Variants in NKAIN3 observed in about 807,000 individuals in gnomAD.
NKAIN3 encodes the protein sodium/potassium-transporting ATPase subunit beta-1-interacting protein 3.
Under a neutral mutation model 30.2 loss-of-function variants are expected in NKAIN3, and 25 were observed. The ratio of observed to expected loss-of-function variants is 0.83; its 90% CI spans 0.60 to 1.16. The LOEUF is 1.16. NKAIN3 is among the 50% of genes most tolerant of loss of function. The pLI is 0.00. For synonymous variants in NKAIN3, 91 were observed against 89.6 expected, an observed-to-expected ratio of 1.02 and a Z score of -0.09; for missense variants, 225 against 254.1, an observed-to-expected ratio of 0.89 and a Z score of 0.78.
Position 62,253,870 on chromosome 8 carries a change from T to C in NKAIN3, c.54+4743T>C, listed in dbSNP as rs140972277. On this transcript the variant is annotated intron_variant, in intron 1 of 6. Coordinates refer to ENST00000623646, the MANE Select transcript of NKAIN3 (RefSeq NM_001304533.3). ...GCTGAAATATATTTCTTTTACTATGTATTTATACTGATACTTTGGCTTTGA... is the reference window on the plus strand; with the variant it reads ...GCTGAAATATATTTCTTTTACTATGCATTTATACTGATACTTTGGCTTTGA... Among the ~76,000 whole-genome samples the C allele has an allele frequency of 1.2e-4, 18 of 152,336 alleles. No homozygotes were observed. In the East Asian group the frequency reaches 3.5e-3, roughly 29 times the overall value.
chr8:62,680,823 C>T (rs1387568902), intron 3 of NKAIN3, among the ~76,000 whole-genome samples: 1 of 152,014 alleles, frequency 6.6e-6, no homozygotes, highest in East Asian at 1.9e-4. Context: ...TATAAATTTT[C>T]CTTGCTGATT....
chr8:62,604,720 G>T (rs993604110), intron 3 of NKAIN3, among the ~76,000 whole-genome samples: 3 of 152,072 alleles, frequency 2.0e-5, no homozygotes, highest in Non-Finnish European at 2.9e-5. Flanking sequence ...AAGGACAAAA[G>T]TTAATTGAAA....
At chr8:62,716,637 A>C (rs926514731) in intron 3 of NKAIN3, among the ~76,000 whole-genome samples, 2 of 152,192 alleles carry the variant, frequency 1.3e-5, no homozygotes, top group Non-Finnish European at 2.9e-5. Flanking sequence ...TAAAAAATAC[A>C]TGAATCTGTG....
intron 2 of NKAIN3, among the ~76,000 whole-genome samples, chr8:62,585,802 A>G (rs1197041791): frequency 6.6e-6 from 1 of 152,184 alleles, no homozygotes; most frequent in Non-Finnish European, 1.5e-5. Flanking sequence ...TATAGACAGT[A>G]TGAAGCAGTG....
chr8:62,941,630 C>T (rs1457531084), intron 5 of NKAIN3, among the ~76,000 whole-genome samples: 2 of 152,014 alleles, frequency 1.3e-5, no homozygotes, highest in African/African-American at 4.8e-5. Context: ...ATGTGATACA[C>T]CACATAAACA....
intron 1 of NKAIN3, among the ~76,000 whole-genome samples, chr8:62,265,867 T>A (rs999303667): frequency 6.6e-6 from 1 of 152,196 alleles, no homozygotes; most frequent in Non-Finnish European, 1.5e-5. Context: ...TTTTTAAGTA[T>A]CTGAAAGTTA....
intron 1 of NKAIN3, among the ~76,000 whole-genome samples, chr8:62,339,464 C>A (rs573234956): frequency 3.9e-5 from 6 of 151,922 alleles, no homozygotes; most frequent in Non-Finnish European, 7.4e-5. Flanking sequence ...TCCTTTTGAA[C>A]GTCCGGGGAT....
At chr8:62,425,335 A>C (rs1352500783) in intron 1 of NKAIN3, among the ~76,000 whole-genome samples, 1 of 151,882 alleles carries the variant, frequency 6.6e-6, no homozygotes, top group African/African-American at 2.4e-5. Context: ...AAAATTATTC[A>C]ATACTTTCAT....
intron 1 of NKAIN3, among the ~76,000 whole-genome samples, chr8:62,356,171 G>A (rs911029527): frequency 6.6e-6 from 1 of 152,018 alleles, no homozygotes; most frequent in Non-Finnish European, 1.5e-5. Flanking sequence ...CAAAAGAAAG[G>A]GTCCTGGACC....
At chr8:62,853,659 C>G (rs1322198351) in intron 4 of NKAIN3, among the ~76,000 whole-genome samples, 2 of 152,060 alleles carry the variant, frequency 1.3e-5, no homozygotes, top group Non-Finnish European at 2.9e-5. Context: ...GGAAAAGCAG[C>G]TCCTGGATTT....
chr8:62,650,779 A>C (rs140345185), intron 3 of NKAIN3, among the ~76,000 whole-genome samples: 11 of 152,124 alleles, frequency 7.2e-5, no homozygotes, highest in African/African-American at 2.7e-4. Context: ...TATTCTCATT[A>C]TTTTATTGCA....
intron 1 of NKAIN3, among the ~76,000 whole-genome samples, chr8:62,538,057 AC>A (rs529580056): frequency 2.7e-3 from 411 of 152,330 alleles, no homozygotes; most frequent in African/African-American, 8.5e-3. Context: ...AGGTGTCTGA[AC>A]ACAGGGAAAG....
intron 1 of NKAIN3, among the ~76,000 whole-genome samples, chr8:62,459,604 G>A (rs1805928029): frequency 6.6e-6 from 1 of 152,184 alleles, no homozygotes; most frequent in African/African-American, 2.4e-5. Flanking sequence ...GGAAAACAAA[G>A]CAGAGTACAG....
At chr8:62,328,545 G>C (rs964330564) in intron 1 of NKAIN3, among the ~76,000 whole-genome samples, 8 of 151,766 alleles carry the variant, frequency 5.3e-5, no homozygotes, top group African/African-American at 1.9e-4. Context: ...CAGTCTTCTG[G>C]GAAGACAGAA....
chr8:62,254,318 G>A (rs181122507), intron 1 of NKAIN3, among the ~76,000 whole-genome samples: 62 of 152,034 alleles, frequency 4.1e-4, no homozygotes, highest in African/African-American at 1.5e-3. Context: ...GGGCAAGCCT[G>A]GATTGCATAT....
At chr8:62,293,125 A>G (rs1381982059) in intron 1 of NKAIN3, among the ~76,000 whole-genome samples, 5 of 152,044 alleles carry the variant, frequency 3.3e-5, no homozygotes, top group African/African-American at 1.2e-4. Flanking sequence ...CTAGTTAGCT[A>G]TTCGTCTAAT....
intron 1 of NKAIN3, among the ~76,000 whole-genome samples, chr8:62,400,632 G>A (rs1803827689): frequency 1.3e-5 from 2 of 151,936 alleles, no homozygotes; most frequent in African/African-American, 4.8e-5. Flanking sequence ...GTCTGGGAAA[G>A]TCTTCATCTC....
chr8:62,829,922 A>G (rs1819143802), intron 4 of NKAIN3, among the ~76,000 whole-genome samples: 2 of 152,188 alleles, frequency 1.3e-5, no homozygotes, highest in Non-Finnish European at 2.9e-5. Context: ...AGAGAAAGAG[A>G]GAAAAGGAAA....
intron 5 of NKAIN3, among the ~76,000 whole-genome samples, chr8:62,943,514 T>C (rs1306383736): frequency 3.9e-5 from 6 of 152,022 alleles, no homozygotes; most frequent in Non-Finnish European, 8.8e-5. Context: ...AGATCTGCCA[T>C]TTGATCCAGC....
Sources: gnomAD v4.1 joint callset for allele counts (sites outside exome capture counted in the v4.1 genomes callset) on GRCh38, gnomAD v4.1.1 for gene constraint, MANE v1.5 for transcripts, NCBI Gene and HGNC (gene_info 2026-07-23, HGNC 2026-07-21) for gene names.